Variants in ZNF605 observed in about 807,000 individuals in gnomAD.
ZNF605 encodes the protein zinc finger protein 605.
ZNF605 carries 9 observed loss-of-function variants against 7.9 expected under a neutral mutation model. The ratio of observed to expected loss-of-function variants is 1.14; its 90% confidence interval spans 0.68 to 1.98. The LOEUF is 1.98. Ranked by LOEUF, ZNF605 falls within the 30% of genes most tolerant of loss-of-function variation. The pLI is 0.00. For synonymous variants in ZNF605, 255 were observed against 260.1 expected, an observed-to-expected ratio of 0.98 and a Z score of 0.19; for missense variants, 673 against 762.4, an observed-to-expected ratio of 0.88 and a Z score of 1.38.
intron 2 of ZNF605, among the ~76,000 whole-genome samples, chr12:132,946,881 G>T (rs991013447): frequency 6.6e-6 from 1 of 152,106 alleles, no homozygotes; most frequent in Non-Finnish European, 1.5e-5. Flanking sequence ...CAGACCACGT[G>T]GGGGAGCAGC....
intron 2 of ZNF605, among the ~76,000 whole-genome samples, chr12:132,946,337 A>G (rs1285197725): frequency 6.6e-6 from 1 of 152,232 alleles, no homozygotes; most frequent in African/African-American, 2.4e-5. Context: ...GAACTAATGT[A>G]AGAGTAAAAA....
At chr12:132,937,013 A>G (rs1446001769) in intron 3 of ZNF605, among the ~76,000 whole-genome samples, 6 of 152,346 alleles carry the variant, frequency 3.9e-5, no homozygotes, top group Admixed American at 3.3e-4. Flanking sequence ...TACTAAGAAA[A>G]TAACCTCATT....
intron 1 of ZNF605, among the ~76,000 whole-genome samples, chr12:132,954,060 G>C (rs896024717): frequency 6.6e-6 from 1 of 151,728 alleles, no homozygotes; most frequent in Non-Finnish European, 1.5e-5. Context: ...CCCATTCAAC[G>C]ATGTACACTG....
rs1952229512 is a variant in ZNF605, at chr12:132,924,581, G to A, written c.*792C>T. ...GCCAGTCCTGTCTCTTCAATTCAGC[G>A]AGATTTATTGTTTCCCTTCCCTGAA... is the stretch of plus-strand genomic sequence containing the variant. On this transcript the variant is annotated 3_prime_UTR_variant, in exon 5 of 5. Transcript: ENST00000360187. The A allele has an allele frequency of 6.6e-6, 1 of 152,214 alleles. No individual in the cohort carries two copies. The highest frequency in any genetic ancestry group is 2.4e-5 in the African/African-American group (1 of 41,430). 9.4% of individuals were successfully genotyped at this position (152,214 alleles called of 1,614,324 possible).
rs559592107 is a variant in ZNF605 at position 132,923,244 on chromosome 12, T to A, written c.*2129A>T. On this transcript the variant is annotated 3_prime_UTR_variant, in exon 5 of 5. Transcript: ENST00000360187. ...TAAAAAGATTTTAAAAAGAGAGAAATATCTTTTATATTTACCCACATATTC... is the reference window on the plus strand; with the variant it reads ...TAAAAAGATTTTAAAAAGAGAGAAAAATCTTTTATATTTACCCACATATTC... The A allele has an allele frequency of 6.6e-6, 1 of 152,316 alleles. No homozygotes were observed. Among genetic ancestry groups the A allele is most frequent in the Admixed American group, 6.5e-5 (1 of 15,300 alleles). 9.4% of individuals were successfully genotyped at this position (152,316 alleles called of 1,614,324 possible).
rs1952237825 is a variant in ZNF605, at chr12:132,925,482, CTCA to C, written c.1814_1816del (p.Met605del). ...ATCTCCTGTATGAATCCTCTGATGC[CTCA>C]TAAGGTGTGACTTTCTTGTGAAAGA... On this transcript the variant is annotated inframe_deletion, in exon 5 of 5. Coordinates refer to ENST00000360187, the MANE Select transcript of ZNF605 (RefSeq NM_183238.4). 6.2e-7 allele frequency: 1 copy of C among 1,613,964 alleles called. No individual in the cohort carries two copies.
chr12:132,931,995 C>T (rs2137131863), intron 4 of ZNF605, among the ~76,000 whole-genome samples: 1 of 152,202 alleles, frequency 6.6e-6, no homozygotes, highest in East Asian at 1.9e-4. Flanking sequence ...ACATCCATGG[C>T]ACACTGCAGC....
chr12:132,953,916 C>T (rs1952602156), intron 1 of ZNF605, among the ~76,000 whole-genome samples: 1 of 152,070 alleles, frequency 6.6e-6, no homozygotes, highest in South Asian at 2.1e-4. Flanking sequence ...CCTCACAGAC[C>T]TCACTGCCCA....
chr12:132,946,961 T>C (rs2137157630), intron 2 of ZNF605, among the ~76,000 whole-genome samples: 1 of 151,870 alleles, frequency 6.6e-6, no homozygotes, highest in Non-Finnish European at 1.5e-5. Flanking sequence ...GAGGAAAAAA[T>C]CCCTAATTTT....
chr12:132,953,011 C>T (rs1952588640), intron 1 of ZNF605, among the ~76,000 whole-genome samples: 2 of 152,124 alleles, frequency 1.3e-5, no homozygotes, highest in East Asian at 1.9e-4. Flanking sequence ...GCTCCAAGCC[C>T]CTGCCAACCT....
rs1483674786 is a variant in ZNF605, at chr12:132,923,787, T to TC, written c.*1585dup. The TC allele has an allele frequency of 2.0e-5, 3 of 152,214 alleles. No homozygotes were observed. Among genetic ancestry groups the TC allele is most frequent in the Non-Finnish European group, 4.4e-5 (3 of 68,028 alleles). 9.4% of individuals were successfully genotyped at this position (152,214 alleles called of 1,614,324 possible). ...TATTCAAATACTTCTTCATGCCTCTTCATTTTCTCCTCTCCTTCTGGGACT... is the reference window on the plus strand; with the variant it reads ...TATTCAAATACTTCTTCATGCCTCTTCCATTTTCTCCTCTCCTTCTGGGACT... On this transcript the variant is annotated 3_prime_UTR_variant, in exon 5 of 5. Coordinates refer to ENST00000360187, the MANE Select transcript of ZNF605 (RefSeq NM_183238.4).
At position 132,921,753 on chromosome 12, in the gene ZNF605, C is replaced by T. The variant is rs1952207956; in HGVS notation, c.*3620G>A. The T allele has an allele frequency of 6.6e-6, 1 of 152,168 alleles. No individual in the cohort carries two copies. Among genetic ancestry groups the T allele is most frequent in the South Asian group, 2.1e-4 (1 of 4,830 alleles). The allele number at this position is 152,168 out of a possible 1,614,324, so 9.4% of individuals were successfully genotyped here. A position where few individuals can be genotyped will look rare whatever the true frequency, so the allele number is the denominator to read the frequency against. On this transcript the variant is annotated 3_prime_UTR_variant, in exon 5 of 5. Transcript: ENST00000360187. ...AAAGGAAAAAGCACTACTGTGAAGC[C>T]TAACGGCAATTATTTCCCTTCAAAG...
intron 1 of ZNF605, among the ~76,000 whole-genome samples, chr12:132,953,574 C>A (rs974283347): frequency 5.3e-5 from 8 of 152,048 alleles, no homozygotes; most frequent in African/African-American, 1.4e-4. Context: ...TTACAGGCGC[C>A]CACCACCATG....
Position 132,918,413 on chromosome 12 carries a change from C to G in ZNF605, c.*6960G>C, listed in dbSNP as rs536526824. 18 of 152,362 alleles carry G rather than the reference C, an allele frequency of 1.2e-4. No homozygotes were observed. Among genetic ancestry groups the G allele is most frequent in the African/African-American group, 4.3e-4 (18 of 41,584 alleles). 9.4% of individuals were successfully genotyped at this position (152,362 alleles called of 1,614,324 possible). A position where few individuals can be genotyped will look rare whatever the true frequency, so the allele number is the denominator to read the frequency against. On this transcript the variant is annotated 3_prime_UTR_variant, in exon 5 of 5. Transcript: ENST00000360187. ...GTTAACATTTGCATACAGAGATTTT[C>G]TTTTCAAACAGAGCACAGAAGGAAG...
rs747300815 is a variant in ZNF605 at position 132,923,255 on chromosome 12, T to C, written c.*2118A>G. Reference sequence around the variant, plus strand: ...TAAAAAGAGAGAAATATCTTTTATATTTACCCACATATTCACCATTTTCAG... The same window carrying C: ...TAAAAAGAGAGAAATATCTTTTATACTTACCCACATATTCACCATTTTCAG... On this transcript the variant is annotated 3_prime_UTR_variant, in exon 5 of 5. Transcript: ENST00000360187. The C allele has an allele frequency of 2.0e-5, 3 of 152,220 alleles. No individual in the cohort carries two copies. The highest frequency in any genetic ancestry group is 4.4e-5 in the Non-Finnish European group (3 of 68,040). 9.4% of individuals were successfully genotyped at this position (152,220 alleles called of 1,614,324 possible). A position where few individuals can be genotyped will look rare whatever the true frequency, so the allele number is the denominator to read the frequency against.
intron 1 of ZNF605, among the ~76,000 whole-genome samples, chr12:132,952,195 G>A (rs1052718868): frequency 1.3e-5 from 2 of 151,926 alleles, no homozygotes; most frequent in Non-Finnish European, 2.9e-5. Flanking sequence ...GGTGGCTCAC[G>A]CCTGTAATCC....
At chr12:132,932,693 T>C (rs1952320233) in intron 4 of ZNF605, 2 of 1,480,200 alleles carry the variant, frequency 1.4e-6, no homozygotes, top group Non-Finnish European at 9.1e-7. Flanking sequence ...CTGTATCTCA[T>C]AAACCTGATT....
chr12:132,939,695 C>T (rs1369177024), intron 3 of ZNF605, among the ~76,000 whole-genome samples: 1 of 152,228 alleles, frequency 6.6e-6, no homozygotes, highest in Non-Finnish European at 1.5e-5. Context: ...CTGCCCGAGC[C>T]AGCAGTGGCA....
Position 132,925,993 on chromosome 12 carries a change from G to T in ZNF605, c.1306C>A (p.Leu436Ile). 3 of 1,614,214 alleles carry T rather than the reference G, an allele frequency of 1.9e-6. 1 individual carries two copies. The South Asian group carries it at 3.3e-5, about 18-fold the overall frequency. The change falls in exon 5 of 5, where the codon CTC becomes ATC. Residue 436 changes from leucine to isoleucine, a missense_variant. Physicochemically the swap from Leu to Ile is conservative, Grantham distance 5. Coordinates refer to ENST00000360187, the MANE Select transcript of ZNF605 (RefSeq NM_183238.4). ...GTGTGTGTTCTGTGATGCGTTAGGA[G>T]CTGGGACTTCCCAAAGAAGGTTTTC... The part of the protein sequence containing the change: ...CGKTFFGKSQ[L>I]LTHHRTHTGE...
Sources: gnomAD v4.1 joint callset for allele counts (sites outside exome capture counted in the v4.1 genomes callset) on GRCh38, gnomAD v4.1.1 for gene constraint, MANE v1.5 for transcripts, NCBI Gene and HGNC (gene_info 2026-07-23, HGNC 2026-07-21) for gene names.